Variants in IPO8 observed in about 807,000 individuals in gnomAD.
IPO8 encodes importin-8.
Under a neutral mutation model 141.2 loss-of-function variants are expected in IPO8, and 65 were observed. The observed-to-expected ratio is 0.46, with a 90% CI of 0.38 to 0.57. The LOEUF is 0.57. IPO8 is among the 20% of genes least tolerant of loss of function. The pLI, the probability that IPO8 is intolerant of heterozygous loss-of-function variation, is 0.00. For synonymous variants in IPO8, 411 were observed against 420.3 expected, an observed-to-expected ratio of 0.98 and a Z score of 0.27; for missense variants, 980 against 1,246.8, an observed-to-expected ratio of 0.79 and a Z score of 3.22.
chr12:30,671,642 C>T (rs2053051908), intron 8 of IPO8, among the ~76,000 whole-genome samples: 1 of 142,770 alleles, frequency 7.0e-6, no homozygotes, highest in Non-Finnish European at 1.5e-5. Flanking sequence ...CCACTGCACT[C>T]CAGCCCTGGG....
intron 17 of IPO8, among the ~76,000 whole-genome samples, chr12:30,654,553 C>T (rs1036138813): frequency 6.6e-6 from 1 of 151,702 alleles, no homozygotes; most frequent in Non-Finnish European, 1.5e-5. Context: ...TAAAAATGGG[C>T]AAAGGAACTG....
chr12:30,670,340 T>C (rs1038753640), intron 9 of IPO8, among the ~76,000 whole-genome samples: 1 of 152,240 alleles, frequency 6.6e-6, no homozygotes, highest in African/African-American at 2.4e-5. Flanking sequence ...AGAGTAGGTA[T>C]TCAGTTCCTA....
intron 8 of IPO8, among the ~76,000 whole-genome samples, chr12:30,671,824 T>C (rs892949482): frequency 6.6e-6 from 1 of 151,612 alleles, no homozygotes; most frequent in Non-Finnish European, 1.5e-5. Flanking sequence ...GTTCAAAAAA[T>C]AGTATTGGCA....
chr12:30,689,919 C>A (rs1337310359), intron 2 of IPO8, among the ~76,000 whole-genome samples: 1 of 152,112 alleles, frequency 6.6e-6, no homozygotes, highest in East Asian at 1.9e-4. Context: ...TCATGATACT[C>A]TAAGGCTCTA....
intron 3 of IPO8, 108 bp downstream of exon 3, chr12:30,684,193 C>T (rs886848256): frequency 3.3e-6 from 3 of 912,902 alleles, no homozygotes; most frequent in African/African-American, 3.3e-5. Flanking sequence ...ATTACTTTAC[C>T]TCTTTAGAAA....
chr12:30,659,624 G>A (rs540590238), intron 16 of IPO8, among the ~76,000 whole-genome samples: 2 of 152,098 alleles, frequency 1.3e-5, no homozygotes, highest in East Asian at 1.9e-4. Context: ...GGCCGAGGTG[G>A]GCGGATCACG....
At chr12:30,644,987 T>A (rs1375631319) in intron 20 of IPO8, among the ~76,000 whole-genome samples, 1 of 151,934 alleles carries the variant, frequency 6.6e-6, no homozygotes, top group African/African-American at 2.4e-5. Context: ...AAATCGGCCA[T>A]CATAATGCTT....
At chr12:30,653,710 G>A (rs928511898) in intron 17 of IPO8, among the ~76,000 whole-genome samples, 5 of 151,910 alleles carry the variant, frequency 3.3e-5, no homozygotes, top group Admixed American at 6.6e-5. Context: ...ATATCTACAC[G>A]TACAGCCAGG....
intron 16 of IPO8, 72 bp downstream of exon 16, chr12:30,661,069 A>AT (rs2052879508): frequency 1.3e-5 from 16 of 1,190,784 alleles, no homozygotes; most frequent in Non-Finnish European, 1.3e-5. Context: ...AGACTTCAAA[A>AT]TTCATGGCCA....
chr12:30,684,515 C>G (rs1263478936), intron 2 of IPO8, 58 bp from the exon 3 acceptor site: 1 of 1,541,216 alleles, frequency 6.5e-7, no homozygotes, highest in Admixed American at 1.7e-5. Context: ...TTTAATTCAG[C>G]CTTACAGAGC....
intron 3 of IPO8, among the ~76,000 whole-genome samples, chr12:30,682,350 A>C (rs1565509723): frequency 6.6e-6 from 1 of 152,192 alleles, no homozygotes; most frequent in African/African-American, 2.4e-5. Context: ...AAGCAGTCTG[A>C]GATACTAATT....
chr12:30,690,295 G>T (rs1321320728), intron 2 of IPO8, among the ~76,000 whole-genome samples: 1 of 152,186 alleles, frequency 6.6e-6, no homozygotes, highest in Non-Finnish European at 1.5e-5. Flanking sequence ...AAAAAAAAGA[G>T]CTAGAAGATA....
intron 2 of IPO8, among the ~76,000 whole-genome samples, chr12:30,687,262 G>A (rs140785499): frequency 1.3e-5 from 2 of 152,282 alleles, no homozygotes; most frequent in African/African-American, 4.8e-5. Context: ...ATTTAGGATA[G>A]TTATAATGTA....
chr12:30,646,572 T>C (rs1254231648), intron 20 of IPO8, among the ~76,000 whole-genome samples: 1 of 152,174 alleles, frequency 6.6e-6, no homozygotes, highest in Non-Finnish European at 1.5e-5. Flanking sequence ...AATATGATCC[T>C]GTTTACAGAA....
At chr12:30,673,783 C>T (rs1365022883) in intron 8 of IPO8, among the ~76,000 whole-genome samples, 1 of 152,164 alleles carries the variant, frequency 6.6e-6, no homozygotes, top group East Asian at 1.9e-4. Flanking sequence ...CTGGTGGTGG[C>T]TGTCTCGGGA....
Position 30,662,430 on chromosome 12 carries a change from A to G in IPO8, c.1652T>C (p.Val551Ala). 1 of 1,613,026 alleles carries G rather than the reference A, an allele frequency of 6.2e-7. No homozygotes were observed. ...RPIMQELLHI[V>A]RETENDDVTN... ...AACATCATCATTTTCTGTCTCTCTAACAATGTGCAACAGTTCCTGCATAAT... is the reference window on the plus strand; with the variant it reads ...AACATCATCATTTTCTGTCTCTCTAGCAATGTGCAACAGTTCCTGCATAAT... The change falls in exon 15 of 25, where the codon GTT becomes GCT. Residue 551 changes from valine to alanine, a missense_variant. This residue lies in a region of IPO8 where 924 missense variants were observed against 1,153.9 expected (regional missense o/e 0.80). Transcript: ENST00000256079.
rs1021217016 is a variant in IPO8 at position 30,630,942 on chromosome 12, A to G, written c.3032T>C (p.Ile1011Thr). The G allele has an allele frequency of 4.3e-6, 7 of 1,613,276 alleles. No individual in the cohort carries two copies. Among genetic ancestry groups the G allele is most frequent in the African/African-American group, 1.3e-5 (1 of 75,034 alleles). Residue 1011 changes from isoleucine (I) to threonine (T), a missense_variant, in exon 25 of 25, where the codon ATT becomes ACT. Transcript: ENST00000256079. ...AAAGGTGAAGCCTCCCTGTTGTTCA[A>G]TCTTCTTCTTTGCCTCTAGCATTTT... is the stretch of plus-strand genomic sequence containing the variant. ...RRTVAEAKKK[I>T]EQQGGFTFEN...
chr12:30,639,532 A>G lies in IPO8; in HGVS notation c.2472T>C (p.Asp824=), dbSNP rs2052548532. The change falls in exon 21 of 25, where the codon GAT becomes GAC. Residue 824 remains aspartate (D), a synonymous_variant. Transcript: ENST00000256079. ...ACACATACCCAAGAAAACAATCTGT[A>G]TCATTCATCCATTGATTTATAAACT... The part of the protein sequence containing the change: ...TVQFINQWMN[D]TDCFLGHHDR... 1.2e-6 allele frequency: 2 copies of G among 1,611,046 alleles called. No individual in the cohort carries two copies. The highest frequency in any genetic ancestry group is 1.3e-5 in the African/African-American group (1 of 74,866).
intron 1 of IPO8, among the ~76,000 whole-genome samples, chr12:30,692,474 T>G (rs1031741646): frequency 1.3e-5 from 2 of 152,208 alleles, no homozygotes; most frequent in Non-Finnish European, 1.5e-5. Context: ...GTTACTCAAT[T>G]TCTTTGTGCC....
Sources: allele counts gnomAD v4.1 joint callset (sites outside exome capture counted in the v4.1 genomes callset), GRCh38; gene constraint gnomAD v4.1.1; regional missense constraint gnomAD v4.1.1; transcripts MANE v1.5; gene names NCBI Gene and HGNC (gene_info 2026-07-23, HGNC 2026-07-21).